The following SYTL2 variants were observed in gnomAD, a reference collection of about 807,000 sequenced individuals.
The protein encoded by SYTL2 is synaptotagmin-like protein 2.
In SYTL2, 165 loss-of-function variants were observed where a neutral mutation model predicts 198.7. That is an observed-to-expected ratio of 0.83 (90% CI 0.73 to 0.94). The LOEUF (loss-of-function observed/expected upper bound fraction) is 0.94. SYTL2 is among the 40% of genes least tolerant of loss of function. The pLI is 0.00. For synonymous variants in SYTL2, 966 were observed against 917.7 expected, an observed-to-expected ratio of 1.05 and a Z score of -0.95; for missense variants, 2,835 against 2,582.8, an observed-to-expected ratio of 1.10 and a Z score of -2.12.
At chr11:85,748,190 G>T in intron 3 of SYTL2, 82 bp downstream of exon 3, 1 of 1,446,300 alleles carries the variant, frequency 6.9e-7, no homozygotes, top group Non-Finnish European at 9.5e-7. Context: ...TCCATCAGCA[G>T]ATTTCTGACA....
chr11:85,798,755 A>T (rs1352786696), intron 1 of SYTL2, among the ~76,000 whole-genome samples: 3 of 152,216 alleles, frequency 2.0e-5, no homozygotes, highest in African/African-American at 7.2e-5. Context: ...AAATGTTACC[A>T]ACCAGACTGT....
chr11:85,699,513 G>C (rs2083917805), intron 17 of SYTL2, among the ~76,000 whole-genome samples: 1 of 152,094 alleles, frequency 6.6e-6, no homozygotes, highest in Non-Finnish European at 1.5e-5. Context: ...AAAGGTGGCA[G>C]TCTGACAGCA....
intron 1 of SYTL2, among the ~76,000 whole-genome samples, chr11:85,798,653 G>T (rs376748358): frequency 2.6e-5 from 4 of 152,312 alleles, no homozygotes; most frequent in South Asian, 4.1e-4. Context: ...AAAGGTGCGT[G>T]GGGTGAAGTC....
intron 1 of SYTL2, among the ~76,000 whole-genome samples, chr11:85,764,242 G>A (rs1293102451): frequency 6.6e-6 from 1 of 152,178 alleles, no homozygotes; most frequent in Non-Finnish European, 1.5e-5. Flanking sequence ...TCCCTCAACT[G>A]TTCCTCACAT....
chr11:85,710,374 T>G (rs1289964111), intron 13 of SYTL2, among the ~76,000 whole-genome samples: 5 of 152,188 alleles, frequency 3.3e-5, no homozygotes, highest in African/African-American at 1.2e-4. Flanking sequence ...GAAACTCAAT[T>G]TAAATAGGTT....
chr11:85,814,336 T>C (rs1385349840), upstream of SYTL2, among the ~76,000 whole-genome samples: 3 of 152,312 alleles, frequency 2.0e-5, no homozygotes, highest in South Asian at 2.1e-4. Flanking sequence ...CTTCAGTGTA[T>C]GTGACTGTAA....
At chr11:85,845,637 G>A in the SYTL2 span, among the ~76,000 whole-genome samples, 10 of 152,200 alleles carry the variant, frequency 6.6e-5, no homozygotes, top group Non-Finnish European at 1.5e-5. Flanking sequence ...GGCCAGGCGT[G>A]GTGGCTCACA....
At chr11:85,832,454 A>G in the SYTL2 span, among the ~76,000 whole-genome samples, 1 of 152,360 alleles carries the variant, frequency 6.6e-6, no homozygotes, top group East Asian at 1.9e-4. Flanking sequence ...TGTTAGACAT[A>G]TAGCAGTGAA....
the SYTL2 span, among the ~76,000 whole-genome samples, chr11:85,839,527 G>A: frequency 1.3e-5 from 2 of 152,180 alleles, no homozygotes; most frequent in Middle Eastern, 3.2e-3. Flanking sequence ...ACAAATAAGT[G>A]AGAACATGGA....
intron 1 of SYTL2, among the ~76,000 whole-genome samples, chr11:85,807,807 G>C (rs2092978057): frequency 6.6e-6 from 1 of 152,074 alleles, no homozygotes; most frequent in Non-Finnish European, 1.5e-5. Flanking sequence ...ATAAATACAG[G>C]GAAATTATGA....
intron 1 of SYTL2, among the ~76,000 whole-genome samples, chr11:85,772,191 T>C (rs1566009059): frequency 2.0e-5 from 3 of 152,240 alleles, no homozygotes; most frequent in South Asian, 2.1e-4. Flanking sequence ...CGTGCCTGGC[T>C]GATCCATTCT....
intron 2 of SYTL2, among the ~76,000 whole-genome samples, chr11:85,757,412 C>T (rs894843177): frequency 2.6e-5 from 4 of 152,200 alleles, no homozygotes; most frequent in South Asian, 2.1e-4. Context: ...GGTTTTTAAT[C>T]AAGACCCTAT....
At chr11:85,831,741 G>A in the SYTL2 span, among the ~76,000 whole-genome samples, 1 of 152,026 alleles carries the variant, frequency 6.6e-6, no homozygotes, top group Admixed American at 6.6e-5. Context: ...TGCATATCAA[G>A]ACACTAACTG....
chr11:85,708,153 CAAAAAAAAAAAAG>C (rs1565871103), intron 14 of SYTL2: 2 of 274,486 alleles, frequency 7.3e-6, no homozygotes, highest in African/African-American at 5.1e-5. Context: ...AACTCCACCT[CAAAAAAAAAAAAG>C]AAAAAAAGAA....
At chr11:85,852,837 C>T in the SYTL2 span, 36 of 225,408 alleles carry the variant, frequency 1.6e-4, no homozygotes, top group African/African-American at 7.4e-4. Context: ...GGCCGCCCAT[C>T]GTCTGGGATG....
At chr11:85,707,828 G>A (rs1294924570) in intron 14 of SYTL2, among the ~76,000 whole-genome samples, 1 of 151,814 alleles carries the variant, frequency 6.6e-6, no homozygotes, top group Non-Finnish European at 1.5e-5. Flanking sequence ...CACACTTCCA[G>A]GCCAGGCACG....
chr11:85,761,505 A>G (rs1322005771), intron 1 of SYTL2, among the ~76,000 whole-genome samples: 2 of 152,222 alleles, frequency 1.3e-5, no homozygotes, highest in Non-Finnish European at 2.9e-5. Flanking sequence ...AGACTGTATT[A>G]GGCCTTGTGA....
chr11:85,824,281 A>G, the SYTL2 span, among the ~76,000 whole-genome samples: 1 of 152,150 alleles, frequency 6.6e-6, no homozygotes, highest in Non-Finnish European at 1.5e-5. Flanking sequence ...CTGAAGGTCC[A>G]CGGCAAACTT....
chr11:85,826,328 G>A, the SYTL2 span, among the ~76,000 whole-genome samples: 1 of 152,234 alleles, frequency 6.6e-6, no homozygotes, highest in Non-Finnish European at 1.5e-5. Flanking sequence ...GTCAAGTAGT[G>A]TCCAAACTGA....
Sources: allele counts gnomAD v4.1 joint callset (sites outside exome capture counted in the v4.1 genomes callset), GRCh38; gene constraint gnomAD v4.1.1; transcripts MANE v1.5; gene names NCBI Gene and HGNC (gene_info 2026-07-23, HGNC 2026-07-21).